NUP188: variants seen among roughly 807,000 people sequenced by gnomAD.
The protein encoded by NUP188 is nucleoporin 188.
In NUP188, 97 loss-of-function variants were observed where a neutral mutation model predicts 223.0. The observed-to-expected ratio is 0.43, with a 90% CI of 0.37 to 0.51. NUP188 has a LOEUF of 0.51. Among genes scored for constraint, NUP188 ranks in the 20% least tolerant of loss-of-function variants. NUP188 has a pLI of 0.00. For synonymous variants in NUP188, 869 were observed against 828.0 expected (o/e 1.05, Z -0.85); for missense variants, 1,947 against 2,175.6 (o/e 0.89, Z 2.09).
chr9:128,947,786 G>C (rs1392347088), intron 1 of NUP188, 35 bp downstream of exon 1: 2 of 1,380,634 alleles, frequency 1.4e-6, no homozygotes, highest in Non-Finnish European at 1.9e-6. Context: ...GGGTGGCTGT[G>C]AAGCGCGGTG....
rs1343938934 is a variant in NUP188, at chr9:128,983,042, G to A, written c.1796+14G>A. 4.3e-6 allele frequency: 7 copies of A among 1,613,574 alleles called. No homozygotes were observed. Among genetic ancestry groups the A allele is most frequent in the Non-Finnish European group, 5.9e-6 (7 of 1,179,904 alleles). ...GCTGCTGCAGCGGTGAGTCTGTCTT[G>A]GCTGACCCTCAGCTGCCCAGTAGAG... On this transcript the variant is annotated intron_variant, in intron 17 of 43. Coordinates refer to ENST00000372577, the MANE Select transcript of NUP188 (RefSeq NM_015354.3).
At chr9:128,991,984 T>C (rs1842442014) in intron 25 of NUP188, among the ~76,000 whole-genome samples, 1 of 143,302 alleles carries the variant, frequency 7.0e-6, no homozygotes, top group Non-Finnish European at 1.5e-5. Flanking sequence ...CTCGGCTCAC[T>C]GCAAGCTCCG....
At chr9:128,976,698 A>G (rs1842180488) in intron 12 of NUP188, among the ~76,000 whole-genome samples, 1 of 151,854 alleles carries the variant, frequency 6.6e-6, no homozygotes, top group Non-Finnish European at 1.5e-5. Context: ...TCAATTTCTA[A>G]AGGTCATGGG....
At chr9:128,989,706 G>A (rs1842387427) in intron 24 of NUP188, among the ~76,000 whole-genome samples, 1 of 152,034 alleles carries the variant, frequency 6.6e-6, no homozygotes, top group Non-Finnish European at 1.5e-5. Flanking sequence ...GGTGGTGCAC[G>A]CCAGTAATCC....
chr9:128,959,166 T>A (rs761768950), intron 8 of NUP188, 32 bp downstream of exon 8: 1 of 1,513,416 alleles, frequency 6.6e-7, no homozygotes, highest in Non-Finnish European at 8.9e-7. Flanking sequence ...CTGTAACTTT[T>A]TTTTTTTAAG....
In NUP188 at chr9:128,999,622, A is replaced by G; in HGVS notation, c.3662-2A>G. 5 of 1,613,822 alleles carry G rather than the reference A, an allele frequency of 3.1e-6. No homozygotes were observed. The highest frequency in any genetic ancestry group is 4.2e-6 in the Non-Finnish European group (5 of 1,179,828). The stretch of plus-strand genomic sequence containing the variant: ...CAGTGTCCCTCCCTGTCTATTCTAC[A>G]GTAAGTGACATCCCCCAGTACTCCC... On this transcript the variant is annotated splice_acceptor_variant, in intron 33 of 43. Coordinates refer to ENST00000372577, the MANE Select transcript of NUP188 (RefSeq NM_015354.3). LOFTEE classifies it high-confidence loss of function.
intron 20 of NUP188, chr9:128,985,224 A>G: frequency 2.2e-6 from 1 of 448,024 alleles, no homozygotes. Context: ...AATTATGTGA[A>G]TTTATTTAAT....
Position 128,999,197 on chromosome 9 carries a change from C to T in NUP188, c.3541C>T (p.Leu1181Phe). ...AGAGTTAGGTTCTGTGGATGAAATC[C>T]TTGGACCCTTGACGGAGATCCTGGA... ...KRELGSVDEI[L>F]GPLTEILEGV... The change falls in exon 33 of 44, where the codon CTT becomes TTT. Residue 1181 changes from leucine to phenylalanine, a missense_variant. By Grantham distance (22) the Leu-to-Phe change is conservative. Coordinates refer to ENST00000372577, the MANE Select transcript of NUP188 (RefSeq NM_015354.3). 1 of 1,614,124 alleles carries T rather than the reference C, an allele frequency of 6.2e-7. No individual in the cohort carries two copies. The highest frequency in any genetic ancestry group is 8.5e-7 in the Non-Finnish European group (1 of 1,180,010).
intron 12 of NUP188, among the ~76,000 whole-genome samples, chr9:128,977,458 A>G (rs1257789350): frequency 6.6e-6 from 1 of 152,108 alleles, no homozygotes; most frequent in Non-Finnish European, 1.5e-5. Context: ...GTGAGCATTT[A>G]TTAGATTCCC....
chr9:128,957,851 A>G (rs562704348), intron 5 of NUP188, among the ~76,000 whole-genome samples, 159 bp from the exon 6 acceptor site: 2 of 152,310 alleles, frequency 1.3e-5, no homozygotes, highest in Admixed American at 6.6e-5. Flanking sequence ...ATTTGAGCAC[A>G]GGTTTGGGTA....
intron 8 of NUP188, among the ~76,000 whole-genome samples, chr9:128,965,523 G>C (rs1842015600): frequency 6.6e-6 from 1 of 152,010 alleles, no homozygotes; most frequent in Admixed American, 6.6e-5. Flanking sequence ...CGCATTCTTG[G>C]CTCACTGCAA....
intron 8 of NUP188, among the ~76,000 whole-genome samples, chr9:128,959,965 C>T (rs1463305127): frequency 6.6e-6 from 1 of 151,490 alleles, no homozygotes; most frequent in Admixed American, 6.6e-5. Flanking sequence ...CATTTCTTAC[C>T]TAAAATTTGT....
At chr9:128,981,219 CTTATCCTGGAGGG>C in intron 14 of NUP188, 32 bp from the exon 15 acceptor site, 1 of 1,602,420 alleles carries the variant, frequency 6.2e-7, no homozygotes, top group Non-Finnish European at 8.5e-7. Context: ...CCTCTCCTTG[CTTATCCTGGAGGG>C]AAATGTGTGA....
rs1041155966 is a variant in NUP188 at position 128,984,983 on chromosome 9, C to T, written c.2045C>T (p.Ala682Val). The stretch of plus-strand genomic sequence containing the variant: ...CAGGGCGAGTATGGGGTTACTATTG[C>T]CTTTCTGCGCTTGATCACCACCCTT... ...QPQGEYGVTIAFLRLITTLVK... is the reference protein window; with the variant it reads ...QPQGEYGVTIVFLRLITTLVK... Residue 682 changes from alanine (A) to valine (V), a missense_variant, in exon 20 of 44, where the codon GCC becomes GTC. Ala to Val is a moderately conservative substitution (Grantham distance 64). Around this residue, in one of 3 missense-constraint regions of NUP188, gnomAD observed 817 missense variants for 865.8 expected, o/e 0.94. Coordinates refer to ENST00000372577, the MANE Select transcript of NUP188 (RefSeq NM_015354.3). 3.1e-6 allele frequency: 5 copies of T among 1,613,432 alleles called. 1 individual carries two copies. The South Asian group carries it at 5.5e-5, about 18-fold the overall frequency.
At chr9:128,982,114 T>A (rs1397550923) in intron 15 of NUP188, among the ~76,000 whole-genome samples, 1 of 150,820 alleles carries the variant, frequency 6.6e-6, no homozygotes, top group Non-Finnish European at 1.5e-5. Context: ...GACAAGAACT[T>A]TTTTGTGTAT....
In NUP188 at chr9:128,993,695, G is replaced by GT. The variant is rs760888028; in HGVS notation, c.3017+2dup. On this transcript the variant is annotated splice_donor_variant, in intron 27 of 43. Coordinates refer to ENST00000372577, the MANE Select transcript of NUP188 (RefSeq NM_015354.3). LOFTEE classifies it high-confidence loss of function. Reference sequence around the variant, plus strand: ...GTGCCATGCTGGTCCTCCGAACCAAGTAAGTCTGCCTCTGGGAGTAGTTTC... The same window carrying GT: ...GTGCCATGCTGGTCCTCCGAACCAAGTTAAGTCTGCCTCTGGGAGTAGTTTC... 1 of 1,614,018 alleles carries GT rather than the reference G, an allele frequency of 6.2e-7. No homozygotes were observed. Among genetic ancestry groups the GT allele is most frequent in the Admixed American group, 1.7e-5 (1 of 60,000 alleles).
rs758840312 is a variant in NUP188, at chr9:128,995,360, T to A, written c.3197T>A (p.Phe1066Tyr). The change falls in exon 30 of 44, where the codon TTT becomes TAT. Residue 1066 changes from phenylalanine to tyrosine, a missense_variant. Physicochemically the swap from Phe to Tyr is conservative, Grantham distance 22. Transcript: ENST00000372577. ...TCATTAAAGGATACACTGAAGAAAT[T>A]TTCCATCGAGAAACGCTTTGCCTAC... is the stretch of plus-strand genomic sequence containing the variant. ...DQSLKDTLKK[F>Y]SIEKRFAYWS... 1.2e-6 allele frequency: 2 copies of A among 1,613,988 alleles called. No individual in the cohort carries two copies. The highest frequency in any genetic ancestry group is 2.2e-5 in the East Asian group (1 of 44,894).
chr9:128,983,602 T>C (rs775182663), intron 19 of NUP188, 52 bp downstream of exon 19: 8 of 1,206,954 alleles, frequency 6.6e-6, no homozygotes, highest in Non-Finnish European at 8.6e-6. Context: ...GAACCACATA[T>C]GTCTCAGATC....
At chr9:129,001,776 G>A in intron 35 of NUP188, 47 bp downstream of exon 35, 1 of 1,604,200 alleles carries the variant, frequency 6.2e-7, no homozygotes, top group African/African-American at 1.3e-5. Flanking sequence ...TGCTTGCCTG[G>A]GTGGGTTCTG....
Sources: allele counts gnomAD v4.1 joint callset (sites outside exome capture counted in the v4.1 genomes callset), GRCh38; gene constraint gnomAD v4.1.1; regional missense constraint gnomAD v4.1.1; transcripts MANE v1.5; gene names NCBI Gene and HGNC (gene_info 2026-07-23, HGNC 2026-07-21).